SLC1A3: variants seen among roughly 807,000 people sequenced by gnomAD.
SLC1A3 encodes excitatory amino acid transporter 1.
SLC1A3 carries 21 observed loss-of-function variants against 48.1 expected under a neutral mutation model. The observed-to-expected ratio is 0.44, with a 90% CI of 0.31 to 0.63. The LOEUF (loss-of-function observed/expected upper bound fraction) is 0.63, where lower values mean the gene tolerates loss of function less well. Ranked by LOEUF, SLC1A3 falls within the 20% of genes least tolerant of loss-of-function variation. The pLI is 0.08. For synonymous variants in SLC1A3, 239 were observed against 251.4 expected, an observed-to-expected ratio of 0.95 and a Z score of 0.47; for missense variants, 546 against 689.0, an observed-to-expected ratio of 0.79 and a Z score of 2.32.
intron 3 of SLC1A3, among the ~76,000 whole-genome samples, chr5:36,656,261 A>G (rs1029391692): frequency 1.3e-5 from 2 of 152,220 alleles, no homozygotes; most frequent in African/African-American, 4.8e-5. Flanking sequence ...ACTAGGTCTC[A>G]GAGAGGTTGC....
upstream of SLC1A3, among the ~76,000 whole-genome samples, chr5:36,601,590 T>A (rs981220826): frequency 6.6e-6 from 1 of 152,134 alleles, no homozygotes; most frequent in Non-Finnish European, 1.5e-5. Flanking sequence ...CAAACTGACT[T>A]GACTTCCTCA....
intron 3 of SLC1A3, among the ~76,000 whole-genome samples, chr5:36,650,562 G>C (rs1741020175): frequency 6.6e-6 from 1 of 152,060 alleles, no homozygotes; most frequent in South Asian, 2.1e-4. Context: ...TTTGTAATTT[G>C]TTTGTTAAAG....
chr5:36,668,103 C>T lies in SLC1A3; in HGVS notation c.320-2926C>T, dbSNP rs1015604499. ...AGTGATAAGGCTCAATGTAAACTTC[C>T]TCCTTCCCAAACGTTTAGGGCAGTT... is the stretch of plus-strand genomic sequence containing the variant. On this transcript the variant is annotated intron_variant, in intron 3 of 9. Transcript: ENST00000265113. The T allele has an allele frequency of 2.0e-5, 3 of 152,360 alleles. No individual in the cohort carries two copies. In the South Asian group the frequency reaches 6.2e-4, roughly 32 times the overall value. 9.4% of individuals were successfully genotyped at this position (152,360 alleles called of 1,614,324 possible). A position where few individuals can be genotyped will look rare whatever the true frequency, so the allele number is the denominator to read the frequency against.
rs1742102870 is a variant in SLC1A3, at chr5:36,674,034, T to C, written c.525-15T>C. On this transcript the variant is annotated splice_polypyrimidine_tract_variant and intron_variant, in intron 4 of 9. Coordinates refer to ENST00000265113, the MANE Select transcript of SLC1A3 (RefSeq NM_004172.5). ...ACTTGGAAAATTTTGCAAGTGACTA[T>C]TACTTTCTTTGCAGGAACATGTTCC... The C allele has an allele frequency of 1.2e-6, 2 of 1,611,890 alleles. No homozygotes were observed. The highest frequency in any genetic ancestry group is 1.7e-6 in the Non-Finnish European group (2 of 1,178,048).
intron 3 of SLC1A3, among the ~76,000 whole-genome samples, chr5:36,633,193 T>C (rs1412649255): frequency 6.6e-6 from 1 of 152,240 alleles, no homozygotes; most frequent in Non-Finnish European, 1.5e-5. Flanking sequence ...TAGACATAAC[T>C]ATTACCTCCT....
chr5:36,608,131 A>G (rs563372792), intron 1 of SLC1A3, 198 bp from the exon 2 acceptor site: 47 of 352,920 alleles, frequency 1.3e-4, no homozygotes, highest in African/African-American at 8.0e-4. Context: ...AATAGAATAT[A>G]TTCCGAATTT....
chr5:36,603,374 GC>G (rs1417061062), upstream of SLC1A3, among the ~76,000 whole-genome samples: 1 of 152,210 alleles, frequency 6.6e-6, no homozygotes, highest in Admixed American at 6.5e-5. Flanking sequence ...CCCTGTCCTG[GC>G]CCACTGCTTA....
intron 3 of SLC1A3, among the ~76,000 whole-genome samples, chr5:36,637,255 C>T (rs1032863928): frequency 3.9e-5 from 6 of 152,118 alleles, no homozygotes; most frequent in African/African-American, 4.8e-5. Context: ...TTACCAGCCA[C>T]GACAAACCAT....
At chr5:36,612,661 C>A in intron 2 of SLC1A3, 1 of 318,756 alleles carries the variant, frequency 3.1e-6, no homozygotes, top group South Asian at 2.7e-5. Context: ...GTATGGAAAG[C>A]ACTATTGTGT....
chr5:36,643,182 G>T (rs1651843), intron 3 of SLC1A3, among the ~76,000 whole-genome samples: 33,851 of 152,096 alleles, frequency 0.22, 4,162 homozygotes, highest in East Asian at 0.32. Flanking sequence ...CTTAGGAATA[G>T]AATTGCTGGG....
chr5:36,596,706 GA>G (rs1170277351), intron 1 of SLC1A3, among the ~76,000 whole-genome samples: 1 of 152,128 alleles, frequency 6.6e-6, no homozygotes, highest in Non-Finnish European at 1.5e-5. Context: ...TATTACATTT[GA>G]AAAACAGCAA....
intron 3 of SLC1A3, among the ~76,000 whole-genome samples, chr5:36,645,823 G>A (rs962884914): frequency 5.3e-5 from 8 of 152,174 alleles, no homozygotes; most frequent in Admixed American, 1.3e-4. Flanking sequence ...TATAATTGGA[G>A]AGTTAGGGTT....
chr5:36,626,657 A>C (rs1739916354), intron 2 of SLC1A3, among the ~76,000 whole-genome samples: 1 of 152,254 alleles, frequency 6.6e-6, no homozygotes, highest in Non-Finnish European at 1.5e-5. Flanking sequence ...ATTCCAGTAA[A>C]ATTAATTTGA....
At chr5:36,629,972 A>G (rs1426892998) in intron 3 of SLC1A3, 1 of 292,538 alleles carries the variant, frequency 3.4e-6, no homozygotes, top group Non-Finnish European at 6.6e-6. Flanking sequence ...CCTATTAGCT[A>G]TTGATGCAAG....
At chr5:36,598,139 AG>A (rs965858988) in intron 1 of SLC1A3, among the ~76,000 whole-genome samples, 3 of 152,232 alleles carry the variant, frequency 2.0e-5, no homozygotes, top group African/African-American at 7.2e-5. Context: ...TTAAGTTCCC[AG>A]GCTTTAAGTG....
chr5:36,621,862 C>G (rs1739688831), intron 2 of SLC1A3, among the ~76,000 whole-genome samples: 1 of 152,154 alleles, frequency 6.6e-6, no homozygotes, highest in Admixed American at 6.5e-5. Flanking sequence ...CTTGTGACTT[C>G]TAACCAACAG....
At chr5:36,648,961 A>G (rs1462911384) in intron 3 of SLC1A3, among the ~76,000 whole-genome samples, 3 of 152,246 alleles carry the variant, frequency 2.0e-5, no homozygotes, top group Non-Finnish European at 4.4e-5. Context: ...GTACAGTGCT[A>G]TAATTATAGT....
chr5:36,635,255 G>A (rs910992619), intron 3 of SLC1A3, among the ~76,000 whole-genome samples: 1 of 152,020 alleles, frequency 6.6e-6, no homozygotes, highest in South Asian at 2.1e-4. Flanking sequence ...TAAGTGATAA[G>A]ATACCTGTGT....
At position 36,680,460 on chromosome 5, in the gene SLC1A3, C is replaced by G; in HGVS notation, c.1160C>G (p.Thr387Ser). 3 of 1,614,212 alleles carry G rather than the reference C, an allele frequency of 1.9e-6. No individual in the cohort carries two copies. In the South Asian group the frequency reaches 3.3e-5, roughly 18 times the overall value. Residue 387 changes from threonine (T) to serine (S), a missense_variant, in exon 8 of 10, where the codon ACC (threonine) becomes AGC (serine). Thr to Ser is a moderately conservative substitution (Grantham distance 58). Transcript: ENST00000265113. Reference protein sequence around the residue: ...EENNGVDKRVTRFVLPVGATI... With the variant: ...EENNGVDKRVSRFVLPVGATI... ...AACAATGGCGTGGACAAGCGCGTCA[C>G]CAGATTCGTGCTCCCCGTAGGAGCC...
Sources: allele counts gnomAD v4.1 joint callset (sites outside exome capture counted in the v4.1 genomes callset), GRCh38; gene constraint gnomAD v4.1.1; transcripts MANE v1.5; gene names NCBI Gene and HGNC (gene_info 2026-07-23, HGNC 2026-07-21).